Variants in COL19A1 observed in about 807,000 individuals in gnomAD.
The protein encoded by COL19A1 is collagen alpha-1(XIX) chain.
A neutral mutation model predicts 190.2 loss-of-function variants in COL19A1; 159 were observed. That is an observed-to-expected ratio of 0.84 (90% CI 0.73 to 0.95). COL19A1 has a LOEUF of 0.95. Ranked by LOEUF, COL19A1 falls within the 40% of genes least tolerant of loss-of-function variation. The probability of loss-of-function intolerance (pLI) is 0.00; values close to 1 mark genes in which losing one functional copy is unlikely to be tolerated. For missense variants in COL19A1, 1,418 were observed against 1,431.9 expected, an observed-to-expected ratio of 0.99 and a Z score of 0.16; for synonymous variants, 509 against 458.9, an observed-to-expected ratio of 1.11 and a Z score of -1.39.
rs3805993 is a variant in COL19A1, at chr6:70,041,032, C to T, written c.1170+5093C>T. Among the ~76,000 whole-genome samples, 50 of 151,422 alleles carry T rather than the reference C, an allele frequency of 3.3e-4. No homozygotes were observed. The East Asian group carries it at 7.0e-3, about 21-fold the overall frequency. The stretch of plus-strand genomic sequence containing the variant: ...TTAAACAAAATTTCATATAGAGATA[C>T]GGAAAAAAAGAAATGAAACACTTTC... On this transcript the variant is annotated intron_variant, in intron 14 of 50. Transcript: ENST00000620364.
rs1768072934 is a variant in COL19A1 at position 70,209,538 on chromosome 6, A to G, written c.*2264A>G. ...TCATGCATTCTTTCTTATGAATTGT[A>G]TATTTAGAAATCTTTCTAAATACCA... On this transcript the variant is annotated 3_prime_UTR_variant, in exon 51 of 51. Transcript: ENST00000620364. 1 of 152,152 alleles carries G rather than the reference A, an allele frequency of 6.6e-6. No homozygotes were observed. Among genetic ancestry groups the G allele is most frequent in the African/African-American group, 2.4e-5 (1 of 41,422 alleles). 9.4% of individuals were successfully genotyped at this position (152,152 alleles called of 1,614,324 possible). A position where few individuals can be genotyped will look rare whatever the true frequency, so the allele number is the denominator to read the frequency against.
intron 17 of COL19A1, 91 bp downstream of exon 17, chr6:70,122,033 A>T: frequency 1.3e-6 from 1 of 764,718 alleles, no homozygotes; most frequent in Non-Finnish European, 2.1e-6. Context: ...CTAACTTCTC[A>T]GACTTTTATA....
chr6:70,054,275 A>C (rs936217531), intron 14 of COL19A1, among the ~76,000 whole-genome samples: 1 of 152,166 alleles, frequency 6.6e-6, no homozygotes, highest in Admixed American at 6.6e-5. Context: ...ACTTGAACCC[A>C]GGAGGCGGAG....
At chr6:69,909,843 T>G (rs963059712) in intron 4 of COL19A1, among the ~76,000 whole-genome samples, 1 of 152,274 alleles carries the variant, frequency 6.6e-6, no homozygotes, top group African/African-American at 2.4e-5. Context: ...GCCTCTCATA[T>G]GGTATCATAT....
At chr6:70,067,088 A>G (rs11753925) in intron 14 of COL19A1, among the ~76,000 whole-genome samples, 35,070 of 152,116 alleles carry the variant, frequency 0.23, 5,407 homozygotes, top group Non-Finnish European at 0.33. Flanking sequence ...ACTTAAATGA[A>G]TTAGTGGTAA....
At chr6:69,879,261 T>C (rs1019646514) in intron 1 of COL19A1, among the ~76,000 whole-genome samples, 4 of 152,190 alleles carry the variant, frequency 2.6e-5, no homozygotes, top group African/African-American at 9.7e-5. Context: ...GTGTAGTTGC[T>C]TAAAAAAATT....
intron 4 of COL19A1, among the ~76,000 whole-genome samples, chr6:69,921,339 T>TC (rs1435561146): frequency 1.8e-4 from 23 of 131,278 alleles, no homozygotes; most frequent in African/African-American, 6.2e-4. Context: ...CATATATCTA[T>TC]ATATATCATA....
chr6:70,034,409 C>T (rs953381183), intron 13 of COL19A1, 111 bp downstream of exon 13: 2 of 802,798 alleles, frequency 2.5e-6, no homozygotes, highest in Non-Finnish European at 4.3e-6. Context: ...TAAAATTAAC[C>T]AAAAGCTGTT....
chr6:70,039,011 G>A (rs144124522), intron 14 of COL19A1, among the ~76,000 whole-genome samples: 48 of 151,496 alleles, frequency 3.2e-4, no homozygotes, highest in African/African-American at 1.2e-3. Context: ...CCGAGATCGC[G>A]CCACTGCACT....
chr6:70,024,698 A>G (rs1213396993), intron 12 of COL19A1, among the ~76,000 whole-genome samples: 4 of 151,896 alleles, frequency 2.6e-5, no homozygotes, highest in African/African-American at 9.7e-5. Flanking sequence ...ATGTATGTTA[A>G]CTAAAATAAT....
intron 14 of COL19A1, among the ~76,000 whole-genome samples, chr6:70,046,646 G>A (rs1016712656): frequency 6.6e-6 from 1 of 151,206 alleles, no homozygotes; most frequent in Non-Finnish European, 1.5e-5. Context: ...TTTAATTCCT[G>A]TGATTTGTCT....
At chr6:70,054,775 A>G (rs1464134475) in intron 14 of COL19A1, among the ~76,000 whole-genome samples, 1 of 152,180 alleles carries the variant, frequency 6.6e-6, no homozygotes, top group African/African-American at 2.4e-5. Context: ...TACTGTGACA[A>G]TGTAAATATC....
intron 15 of COL19A1, among the ~76,000 whole-genome samples, chr6:70,079,158 A>G (rs964514514): frequency 3.9e-5 from 6 of 152,244 alleles, no homozygotes; most frequent in African/African-American, 1.2e-4. Flanking sequence ...AGTGACATCA[A>G]GGAGATTGAA....
rs532973182 is a variant in COL19A1 at position 69,977,385 on chromosome 6, G to A, written c.1026+14515G>A. Among the ~76,000 whole-genome samples the A allele has an allele frequency of 2.0e-3, 287 of 140,300 alleles. 1 individual carries two copies. Among genetic ancestry groups the A allele is most frequent in the Non-Finnish European group, 2.4e-3 (158 of 65,096 alleles). The allele number at this position is 140,300 out of a possible 152,430, so 92.0% of individuals were successfully genotyped here. Reference sequence around the variant, plus strand: ...CAATGAGAACACATGGACACAGGGAGGGGAACATCACACACCCGGGACTGT... The same window carrying A: ...CAATGAGAACACATGGACACAGGGAAGGGAACATCACACACCCGGGACTGT... On this transcript the variant is annotated intron_variant, in intron 11 of 50. Coordinates refer to ENST00000620364, the MANE Select transcript of COL19A1 (RefSeq NM_001858.6).
At chr6:69,925,692 A>T (rs1387279119) in intron 4 of COL19A1, among the ~76,000 whole-genome samples, 2 of 152,136 alleles carry the variant, frequency 1.3e-5, no homozygotes, top group Non-Finnish European at 2.9e-5. Context: ...GGCCATTTTC[A>T]TGATATTGGT....
chr6:70,109,775 T>C (rs778930592), intron 16 of COL19A1, among the ~76,000 whole-genome samples: 8 of 152,164 alleles, frequency 5.3e-5, no homozygotes, highest in Non-Finnish European at 7.4e-5. Context: ...CAGTCTTGTC[T>C]GAATCCACTG....
intron 36 of COL19A1, among the ~76,000 whole-genome samples, chr6:70,165,016 C>G (rs1765052017): frequency 6.6e-6 from 1 of 152,060 alleles, no homozygotes; most frequent in African/African-American, 2.4e-5. Flanking sequence ...GACTAAAATC[C>G]CTCAAAATTC....
At chr6:70,020,252 T>TA (rs1297639892) in intron 11 of COL19A1, among the ~76,000 whole-genome samples, 1 of 152,134 alleles carries the variant, frequency 6.6e-6, no homozygotes, top group African/African-American at 2.4e-5. Context: ...ATTAAACCAC[T>TA]ACATGATATT....
chr6:69,929,205 A>G (rs1279334422), intron 5 of COL19A1, among the ~76,000 whole-genome samples: 2 of 151,516 alleles, frequency 1.3e-5, no homozygotes, highest in Non-Finnish European at 2.9e-5. Context: ...CTTAGGAAGG[A>G]GCATATTACA....
Sources: allele counts gnomAD v4.1 joint callset (sites outside exome capture counted in the v4.1 genomes callset), GRCh38; gene constraint gnomAD v4.1.1; transcripts MANE v1.5; gene names NCBI Gene and HGNC (gene_info 2026-07-23, HGNC 2026-07-21).